Variants in PI4KA observed in about 807,000 individuals in gnomAD.
PI4KA encodes PI4-kinase alpha.
A neutral mutation model predicts 271.4 loss-of-function variants in PI4KA; 122 were observed. The observed-to-expected ratio is 0.45, with a 90% CI of 0.39 to 0.52. The LOEUF (loss-of-function observed/expected upper bound fraction) is 0.52. Among genes scored for constraint, PI4KA ranks in the 20% least tolerant of loss-of-function variants. The probability of loss-of-function intolerance (pLI) is 0.00; values close to 1 mark genes in which losing one functional copy is unlikely to be tolerated. For missense variants in PI4KA, 1,969 were observed against 2,769.1 expected (o/e 0.71, Z 6.48); for synonymous variants, 1,041 against 1,078.8 (o/e 0.96, Z 0.69).
Position 20,798,350 on chromosome 22 carries a change from G to A in PI4KA, c.2108+234C>T. The A allele has an allele frequency of 5.9e-6, 3 of 507,128 alleles. No homozygotes were observed. The Admixed American group carries it at 9.8e-5, about 17-fold the overall frequency. The allele number at this position is 507,128 out of a possible 1,614,324, so 31.4% of individuals were successfully genotyped here. ...GCAGGTCAGCTGCATGTGCAGCATG[G>A]GCCCAATCAGAAGGAGAGAAAGGAG... is the stretch of plus-strand genomic sequence containing the variant. On this transcript the variant is annotated intron_variant, in intron 17 of 54. Transcript: ENST00000255882.
intron 4 of PI4KA, among the ~76,000 whole-genome samples, chr22:20,822,637 C>G (rs2147707920): frequency 6.6e-6 from 1 of 152,192 alleles, no homozygotes; most frequent in East Asian, 1.9e-4. Context: ...TGGGACAGTC[C>G]TTCAGGCAGT....
At position 20,742,620 on chromosome 22, in the gene PI4KA, T is replaced by C. The variant is rs747762250; in HGVS notation, c.3601A>G (p.Ile1201Val). 1.9e-6 allele frequency: 3 copies of C among 1,614,160 alleles called. No homozygotes were observed. The highest frequency in any genetic ancestry group is 2.2e-5 in the South Asian group (2 of 91,090). The change falls in exon 31 of 55, where the codon ATT becomes GTT. Residue 1201 changes from isoleucine to valine, a missense_variant. Ile to Val is a conservative substitution (Grantham distance 29). This residue lies in a region of PI4KA where 203 missense variants were observed against 256.8 expected (regional missense o/e 0.79). Coordinates refer to ENST00000255882, the MANE Select transcript of PI4KA (RefSeq NM_058004.4). ...TTCAGTGAGTTACCTTTACTGCTAA[T>C]GAGCATTGCGGTCAGCTTGAACATG... ...QAMFKLTAML[I>V]SSKDCDPQLL...
chr22:20,708,611 C>T (rs1334855747), intron 54 of PI4KA, among the ~76,000 whole-genome samples: 2 of 104,548 alleles, frequency 1.9e-5, no homozygotes, highest in Non-Finnish European at 3.7e-5. Context: ...TGCAGATGGC[C>T]ACACCTGGGC....
At chr22:20,800,770 A>G (rs1181442409) in intron 14 of PI4KA, among the ~76,000 whole-genome samples, 2 of 149,226 alleles carry the variant, frequency 1.3e-5, no homozygotes, top group African/African-American at 4.9e-5. Flanking sequence ...GCTACTCCAG[A>G]GGCTGAGGCA....
At chr22:20,779,062 G>C in intron 19 of PI4KA, 2 of 931,000 alleles carry the variant, frequency 2.1e-6, no homozygotes, top group East Asian at 6.0e-5. Context: ...TTTAAAGAAG[G>C]GATTTTCATC....
rs145736755 is a variant in PI4KA at position 20,824,812 on chromosome 22, T to C, written c.368-398A>G. Among the ~76,000 whole-genome samples the C allele has an allele frequency of 6.0e-5, 9 of 151,080 alleles. No individual in the cohort carries two copies. In the East Asian group the frequency reaches 1.8e-3, roughly 29 times the overall value. ...TCGGCTGGGCGAAGTGGCTCAAGTC[T>C]GTAATCCCAGCACTTTTGGGGGGCC... On this transcript the variant is annotated intron_variant, in intron 3 of 54. Coordinates refer to ENST00000255882, the MANE Select transcript of PI4KA (RefSeq NM_058004.4).
intron 19 of PI4KA, chr22:20,786,740 T>C (rs1197783160): frequency 1.1e-6 from 1 of 905,534 alleles, no homozygotes; most frequent in East Asian, 2.6e-5. Flanking sequence ...TTTTCAAGAG[T>C]GACTCTGACC....
Position 20,710,804 on chromosome 22 carries a change from T to C in PI4KA, c.5978A>G (p.Asp1993Gly), listed in dbSNP as rs1239925195. Residue 1993 changes from aspartate (D) to glycine (G), a missense_variant, in exon 52 of 55, where the codon GAC becomes GGC. Asp to Gly is a moderately conservative substitution (Grantham distance 94, BLOSUM62 -1). Around this residue, in one of 13 missense-constraint regions of PI4KA, gnomAD observed 110 missense variants for 349.8 expected, o/e 0.31. Coordinates refer to ENST00000255882, the MANE Select transcript of PI4KA (RefSeq NM_058004.4). ...CACCATCTCATCCGTCAGCTTGATG[T>C]CGGGTTCCCAGCCGAGATTGCCGCC... ...SPGGNLGWEP[D>G]IKLTDEMVMI... is the part of the protein sequence containing the mutation. 1.2e-6 allele frequency: 2 copies of C among 1,612,268 alleles called. No homozygotes were observed. Among genetic ancestry groups the C allele is most frequent in the African/African-American group, 2.7e-5 (2 of 74,922 alleles).
chr22:20,817,750 A>G (rs1000758659), intron 7 of PI4KA, among the ~76,000 whole-genome samples: 1 of 138,142 alleles, frequency 7.2e-6, no homozygotes, highest in East Asian at 2.0e-4. Flanking sequence ...AAAAAAAAAA[A>G]AAAAAAAAAA....
intron 9 of PI4KA, among the ~76,000 whole-genome samples, chr22:20,810,342 T>C (rs1935922295): frequency 6.6e-6 from 1 of 151,818 alleles, no homozygotes; most frequent in Non-Finnish European, 1.5e-5. Flanking sequence ...CAGTCTCTAC[T>C]AAAAAATACA....
chr22:20,779,304 T>G, intron 19 of PI4KA: 1 of 1,614,142 alleles, frequency 6.2e-7, no homozygotes, highest in East Asian at 2.2e-5. Context: ...CAGCTTTAGC[T>G]CCGCCAAAAT....
chr22:20,741,612 A>C (rs1214965961), intron 32 of PI4KA, among the ~76,000 whole-genome samples: 1 of 152,220 alleles, frequency 6.6e-6, no homozygotes, highest in Non-Finnish European at 1.5e-5. Flanking sequence ...CATTTTAATT[A>C]CATTTTTGGA....
rs576039981 is a variant in PI4KA at position 20,810,264 on chromosome 22, T to C, written c.1071+703A>G. On this transcript the variant is annotated intron_variant, in intron 9 of 54. Coordinates refer to ENST00000255882, the MANE Select transcript of PI4KA (RefSeq NM_058004.4). ...GCTCACGCCTGTAATCCCAGCACTT[T>C]GGGAGGCAGAGGCAGGCAGATCACG... 1.7e-3 allele frequency among the ~76,000 whole-genome samples: 257 copies of C among 152,198 alleles called. 2 individuals carry two copies. The highest frequency in any genetic ancestry group is 6.0e-3 in the African/African-American group (248 of 41,534).
In PI4KA at chr22:20,734,091, G is replaced by A. The variant is rs141814603; in HGVS notation, c.4004C>T (p.Ala1335Val). The stretch of plus-strand genomic sequence containing the variant: ...CACGTGCCGGTTCATGCTCCCCTTG[G>A]CCCCGCCGATGTTCAGGGACATGGA... Reference protein sequence around the residue: ...QRSMSLNIGGAKGSMNRHVAA... With the variant: ...QRSMSLNIGGVKGSMNRHVAA... Residue 1335 changes from alanine (A) to valine (V), a missense_variant, in exon 34 of 55, where the codon GCC becomes GTC. Physicochemically the swap from Ala to Val is moderately conservative, Grantham distance 64. This residue lies in a region of PI4KA where 72 missense variants were observed against 103.1 expected (regional missense o/e 0.70). Transcript: ENST00000255882. 22 of 1,607,994 alleles carry A rather than the reference G, an allele frequency of 1.4e-5. 1 individual carries two copies. The African/African-American group carries it at 2.0e-4, about 15-fold the overall frequency.
chr22:20,788,453 T>C (rs1312249966), intron 19 of PI4KA, among the ~76,000 whole-genome samples: 1 of 152,202 alleles, frequency 6.6e-6, no homozygotes, highest in African/African-American at 2.4e-5. Context: ...CCTAGGGGGC[T>C]GGCACTGTTA....
intron 7 of PI4KA, among the ~76,000 whole-genome samples, chr22:20,816,550 C>G (rs1921833930): frequency 1.3e-5 from 2 of 152,286 alleles, no homozygotes; most frequent in East Asian, 1.9e-4. Flanking sequence ...GAAGTCCCAG[C>G]TACTTGAAAG....
intron 18 of PI4KA, 131 bp from the exon 19 acceptor site, chr22:20,793,374 CAG>C (rs1217541149): frequency 1.8e-6 from 1 of 553,780 alleles, no homozygotes; most frequent in Non-Finnish European, 3.2e-6. Context: ...GAGAGATATG[CAG>C]AGAGAGGCAG....
chr22:20,719,475 CTT>C (rs1926437602), intron 43 of PI4KA, among the ~76,000 whole-genome samples: 1 of 152,110 alleles, frequency 6.6e-6, no homozygotes, highest in Non-Finnish European at 1.5e-5. Flanking sequence ...ACGAAGCACT[CTT>C]GCCGCATCTA....
chr22:20,747,586 A>G lies in PI4KA; in HGVS notation c.3360T>C (p.Leu1120=), dbSNP rs1474443086. 5.0e-6 allele frequency: 8 copies of G among 1,613,750 alleles called. No homozygotes were observed. The highest frequency in any genetic ancestry group is 4.0e-5 in the African/African-American group (3 of 74,934). ...TCTTCAGAAGGCTCGCACATACCCC[A>G]AGAGTTGTGTTCTGCTTGTTGTAGC... ...FAGYNKQNTT[L]GATQLSERPA... Residue 1120 remains leucine, a synonymous_variant, in exon 29 of 55, where the codon CTT becomes CTC. Coordinates refer to ENST00000255882, the MANE Select transcript of PI4KA (RefSeq NM_058004.4).
Sources: gnomAD v4.1 joint callset for allele counts (sites outside exome capture counted in the v4.1 genomes callset) on GRCh38, gnomAD v4.1.1 for gene constraint, gnomAD v4.1.1 regional missense constraint, MANE v1.5 for transcripts, NCBI Gene and HGNC (gene_info 2026-07-23, HGNC 2026-07-21) for gene names.